SUPT20H: variants seen among roughly 807,000 people sequenced by gnomAD.
SUPT20H encodes SPT20 homolog, SAGA complex component.
A neutral mutation model predicts 122.8 loss-of-function variants in SUPT20H; 82 were observed. The observed-to-expected ratio is 0.67, with a 90% CI of 0.56 to 0.80. The LOEUF (loss-of-function observed/expected upper bound fraction) is 0.80, where lower values mean the gene tolerates loss of function less well. SUPT20H is among the 30% of genes least tolerant of loss of function. SUPT20H has a pLI of 0.00. For synonymous variants in SUPT20H, 291 were observed against 313.0 expected, an observed-to-expected ratio of 0.93 and a Z score of 0.74; for missense variants, 831 against 921.6, an observed-to-expected ratio of 0.90 and a Z score of 1.27.
At chr13:37,017,762 G>A (rs1380115575) in intron 22 of SUPT20H, among the ~76,000 whole-genome samples, 1 of 152,064 alleles carries the variant, frequency 6.6e-6, no homozygotes, top group Non-Finnish European at 1.5e-5. Flanking sequence ...TCATAAATTT[G>A]TTCTAGTTTT....
intron 23 of SUPT20H, among the ~76,000 whole-genome samples, chr13:37,014,565 G>T (rs111435088): frequency 6.6e-6 from 1 of 152,064 alleles, no homozygotes; most frequent in African/African-American, 2.4e-5. Context: ...ACTGCAGAAA[G>T]ATATTTGGAA....
intron 5 of SUPT20H, among the ~76,000 whole-genome samples, chr13:37,046,626 T>C (rs945749312): frequency 2.0e-5 from 3 of 152,186 alleles, no homozygotes; most frequent in Non-Finnish European, 4.4e-5. Flanking sequence ...AATTCCAATT[T>C]AGAATCTTCA....
At chr13:37,019,525 C>G in intron 21 of SUPT20H, 128 bp from the exon 22 acceptor site, 1 of 520,176 alleles carries the variant, frequency 1.9e-6, no homozygotes, top group Non-Finnish European at 3.2e-6. Flanking sequence ...ATTTTCCATA[C>G]TTCAAAAATA....
At chr13:37,046,128 T>C (rs1188880215) in intron 5 of SUPT20H, among the ~76,000 whole-genome samples, 1 of 152,128 alleles carries the variant, frequency 6.6e-6, no homozygotes, top group Non-Finnish European at 1.5e-5. Flanking sequence ...AAATATATAT[T>C]AAACATATAT....
At chr13:37,010,293 C>T (rs1021575130) in intron 25 of SUPT20H, among the ~76,000 whole-genome samples, 3 of 152,160 alleles carry the variant, frequency 2.0e-5, no homozygotes, top group Non-Finnish European at 2.9e-5. Context: ...TCAAAATATA[C>T]TGCATACTAG....
intron 9 of SUPT20H, chr13:37,038,379 AAATATTAT>A (rs2138488133): frequency 6.6e-6 from 1 of 152,322 alleles, no homozygotes; most frequent in Non-Finnish European, 1.5e-5. Context: ...AGGGCAGGAT[AAATATTAT>A]ATTCTCTCCT....
intron 2 of SUPT20H, 145 bp from the exon 3 acceptor site, chr13:37,048,744 T>A (rs1378949658): frequency 8.8e-6 from 5 of 570,580 alleles, no homozygotes; most frequent in Non-Finnish European, 1.5e-5. Flanking sequence ...ATGATCAATA[T>A]ATATATAACA....
chr13:37,052,531 A>G (rs544144668), intron 1 of SUPT20H, among the ~76,000 whole-genome samples: 1 of 24,054 alleles, frequency 4.2e-5, no homozygotes, highest in South Asian at 2.2e-3. Flanking sequence ...CTCAAGATGG[A>G]ATAAAGACTT....
intron 19 of SUPT20H, chr13:37,023,166 A>T: frequency 1.1e-6 from 1 of 914,122 alleles, no homozygotes; most frequent in Non-Finnish European, 1.4e-6. Context: ...AGTGTGAATA[A>T]GACTTTCAGA....
intron 9 of SUPT20H, chr13:37,039,669 T>G (rs1028738831): frequency 2.6e-5 from 4 of 152,004 alleles, no homozygotes. Context: ...CACCTTACAG[T>G]CCAGATTTGG....
chr13:37,055,698 T>C (rs182012409), intron 1 of SUPT20H, among the ~76,000 whole-genome samples: 310 of 152,334 alleles, frequency 2.0e-3, no homozygotes, highest in Non-Finnish European at 3.9e-3. Context: ...ATTCAGGACA[T>C]AGGCGAGGGC....
chr13:37,031,477 G>GTTT, intron 12 of SUPT20H, 90 bp downstream of exon 12: 1 of 727,896 alleles, frequency 1.4e-6, no homozygotes, highest in Non-Finnish European at 2.1e-6. Flanking sequence ...TTTAAAGTAA[G>GTTT]TTTTTTTTTT....
At chr13:37,020,707 C>T (rs2061348915) in intron 21 of SUPT20H, among the ~76,000 whole-genome samples, 1 of 152,148 alleles carries the variant, frequency 6.6e-6, no homozygotes, top group African/African-American at 2.4e-5. Flanking sequence ...TTTCTCATAA[C>T]TAAGAAAGTT....
rs768707659 is a variant in SUPT20H, at chr13:37,024,166, C to T, written c.1460G>A (p.Ser487Asn). The T allele has an allele frequency of 6.2e-7, 1 of 1,613,454 alleles. No individual in the cohort carries two copies. Among genetic ancestry groups the T allele is most frequent in the Non-Finnish European group, 8.5e-7 (1 of 1,179,678 alleles). ...AGGAGTTGGAGATTTGAGAAAGCTG[C>T]TTGTCTGTTGTGGTGTAAAATAGTT... ...SGNYFTPQQT[S>N]SFLKSPTPPP... The change falls in exon 19 of 26, where the codon AGC (serine) becomes AAC (asparagine). Residue 487 changes from serine (S) to asparagine (N), a missense_variant. Transcript: ENST00000350612.
At chr13:37,034,048 C>T (rs1170408409) in intron 9 of SUPT20H, among the ~76,000 whole-genome samples, 1 of 152,190 alleles carries the variant, frequency 6.6e-6, no homozygotes, top group African/African-American at 2.4e-5. Flanking sequence ...CTTCACCGAT[C>T]CACCACTCCC....
chr13:37,018,125 A>T (rs1265607346), intron 22 of SUPT20H, among the ~76,000 whole-genome samples: 1 of 148,056 alleles, frequency 6.8e-6, no homozygotes, highest in Non-Finnish European at 1.5e-5. Context: ...AAATAATAAT[A>T]AAAAAAAAAT....
chr13:37,025,504 G>T (rs2062094631), intron 16 of SUPT20H, 67 bp from the exon 17 acceptor site: 28 of 1,099,182 alleles, frequency 2.5e-5, no homozygotes, highest in Non-Finnish European at 3.8e-5. Flanking sequence ...TATTTTATAG[G>T]AAAGAATAAT....
At chr13:37,055,221 C>A (rs2068668154) in intron 1 of SUPT20H, among the ~76,000 whole-genome samples, 1 of 152,068 alleles carries the variant, frequency 6.6e-6, no homozygotes, top group Non-Finnish European at 1.5e-5. Context: ...CAACGCCATC[C>A]CCATCAAGCT....
At chr13:37,029,967 T>A in intron 12 of SUPT20H, 131 bp from the exon 13 acceptor site, 2 of 619,068 alleles carry the variant, frequency 3.2e-6, no homozygotes, top group Non-Finnish European at 5.1e-6. Context: ...CAAGAATTCT[T>A]AAATTACCGG....
Sources: gnomAD v4.1 joint callset for allele counts (sites outside exome capture counted in the v4.1 genomes callset) on GRCh38, gnomAD v4.1.1 for gene constraint, MANE v1.5 for transcripts, NCBI Gene and HGNC (gene_info 2026-07-23, HGNC 2026-07-21) for gene names.